MECOM: variants seen among roughly 807,000 people sequenced by gnomAD.
MECOM encodes the protein histone-lysine N-methyltransferase MECOM.
In MECOM, 13 loss-of-function variants were observed where a neutral mutation model predicts 116.3. The observed-to-expected ratio is 0.11, with a 90% confidence interval of 0.07 to 0.18. The LOEUF (loss-of-function observed/expected upper bound fraction) is 0.18. MECOM is among the 10% of genes least tolerant of loss of function. MECOM has a pLI of 1.00. For synonymous variants in MECOM, 528 were observed against 535.2 expected, an observed-to-expected ratio of 0.99 and a Z score of 0.19; for missense variants, 1,299 against 1,509.0, an observed-to-expected ratio of 0.86 and a Z score of 2.31.
intron 2 of MECOM, among the ~76,000 whole-genome samples, chr3:169,243,761 C>T (rs1009678088): frequency 6.6e-6 from 1 of 152,168 alleles, no homozygotes; most frequent in African/African-American, 2.4e-5. Context: ...TCGAAACATA[C>T]TCTGAAACGT....
intron 2 of MECOM, among the ~76,000 whole-genome samples, chr3:169,220,187 A>T (rs1041267946): frequency 6.6e-6 from 1 of 151,958 alleles, no homozygotes; most frequent in Admixed American, 6.6e-5. Context: ...AAAATTATCC[A>T]GGCATGGTGG....
intron 1 of MECOM, among the ~76,000 whole-genome samples, chr3:169,557,859 A>G (rs919324805): frequency 6.6e-6 from 1 of 152,208 alleles, no homozygotes; most frequent in Admixed American, 6.5e-5. Context: ...CTAGGACAAT[A>G]ATACTATTTC....
intron 7 of MECOM, 163 bp downstream of exon 7, chr3:169,120,893 T>C (rs1730803720): frequency 1.6e-6 from 1 of 607,666 alleles, no homozygotes; most frequent in Non-Finnish European, 2.5e-6. Context: ...ATGGATCTGA[T>C]TATAAAAGAT....
rs533025312 is a variant in MECOM, at chr3:169,226,215, C to T, written c.376-82383G>A. Among the ~76,000 whole-genome samples the T allele has an allele frequency of 6.6e-5, 10 of 152,130 alleles. No homozygotes were observed. In the South Asian group the frequency reaches 2.1e-3, roughly 32 times the overall value. On this transcript the variant is annotated intron_variant, in intron 2 of 16. Coordinates refer to ENST00000651503, the MANE Select transcript of MECOM (RefSeq NM_004991.4). ...GAGGTAAAATAAATATTATGGGTAACCCTGGATGCATTAAAGGTAACCTTG... is the reference window on the plus strand; with the variant it reads ...GAGGTAAAATAAATATTATGGGTAATCCTGGATGCATTAAAGGTAACCTTG...
chr3:169,436,220 A>G (rs1227017076), intron 1 of MECOM, among the ~76,000 whole-genome samples: 1 of 151,812 alleles, frequency 6.6e-6, no homozygotes, highest in Non-Finnish European at 1.5e-5. Context: ...GACGCAAAAA[A>G]AAAAGGGAAA....
At chr3:169,128,937 C>T (rs993291902) in intron 4 of MECOM, among the ~76,000 whole-genome samples, 1 of 152,150 alleles carries the variant, frequency 6.6e-6, no homozygotes, top group Admixed American at 6.6e-5. Context: ...CAGATACAAT[C>T]ACAGAAGTCT....
chr3:169,648,480 A>G (rs1451167121), intron 1 of MECOM, among the ~76,000 whole-genome samples: 1 of 152,208 alleles, frequency 6.6e-6, no homozygotes, highest in Non-Finnish European at 1.5e-5. Context: ...CTGGTATTTT[A>G]ATACTGCATC....
chr3:169,143,158 T>A (rs1186562806), intron 3 of MECOM, among the ~76,000 whole-genome samples: 1 of 152,072 alleles, frequency 6.6e-6, no homozygotes, highest in Non-Finnish European at 1.5e-5. Flanking sequence ...GGGTTATTTT[T>A]AAACTTTTTA....
chr3:169,495,983 CTACCAG>C (rs1463548672), intron 1 of MECOM, among the ~76,000 whole-genome samples: 2 of 152,168 alleles, frequency 1.3e-5, no homozygotes, highest in African/African-American at 2.4e-5. Flanking sequence ...CATAACGACC[CTACCAG>C]TAAAAGGGTC....
At chr3:169,170,610 GTTT>G (rs948973120) in intron 2 of MECOM, among the ~76,000 whole-genome samples, 2 of 151,568 alleles carry the variant, frequency 1.3e-5, no homozygotes, top group African/African-American at 2.4e-5. Flanking sequence ...CTAGAACTAT[GTTT>G]TTTTTCTCTA....
chr3:169,584,730 T>C (rs1245199938), intron 1 of MECOM, among the ~76,000 whole-genome samples: 1 of 152,124 alleles, frequency 6.6e-6, no homozygotes, highest in Non-Finnish European at 1.5e-5. Context: ...ACTTAACAAG[T>C]GAGTATGACA....
chr3:169,543,780 G>A (rs937472363), intron 1 of MECOM, among the ~76,000 whole-genome samples: 1 of 152,070 alleles, frequency 6.6e-6, no homozygotes. Flanking sequence ...CCATTAATCA[G>A]TATCTGTACA....
intron 2 of MECOM, among the ~76,000 whole-genome samples, chr3:169,354,637 G>C (rs553120203): frequency 6.6e-6 from 1 of 151,994 alleles, no homozygotes; most frequent in Non-Finnish European, 1.5e-5. Flanking sequence ...AAGTTTAAAA[G>C]AATTCGTGTT....
At chr3:169,266,550 A>AT (rs1201310577) in intron 2 of MECOM, among the ~76,000 whole-genome samples, 6 of 152,336 alleles carry the variant, frequency 3.9e-5, no homozygotes, top group African/African-American at 1.4e-4. Flanking sequence ...TGGCAACAAT[A>AT]GAACCAGTGT....
At chr3:169,235,167 A>G (rs1418991447) in intron 2 of MECOM, among the ~76,000 whole-genome samples, 2 of 152,230 alleles carry the variant, frequency 1.3e-5, no homozygotes, top group Admixed American at 6.5e-5. Flanking sequence ...GACTTCTATT[A>G]TCATCAATGT....
intron 1 of MECOM, among the ~76,000 whole-genome samples, chr3:169,495,457 C>T (rs933602961): frequency 3.4e-4 from 52 of 152,312 alleles, no homozygotes; most frequent in African/African-American, 1.1e-3. Context: ...GTATTTTACA[C>T]ACCTGTCTTT....
intron 2 of MECOM, among the ~76,000 whole-genome samples, chr3:169,181,679 T>C (rs1380438987): frequency 6.6e-6 from 1 of 152,172 alleles, no homozygotes; most frequent in Non-Finnish European, 1.5e-5. Flanking sequence ...GTCATAGAAA[T>C]AGGGTTAGTG....
intron 1 of MECOM, among the ~76,000 whole-genome samples, chr3:169,622,580 AT>A (rs1231492904): frequency 6.6e-6 from 1 of 152,250 alleles, no homozygotes; most frequent in Non-Finnish European, 1.5e-5. Flanking sequence ...AATATATCTC[AT>A]AAAACATCAA....
chr3:169,428,568 T>C (rs1279326325), intron 1 of MECOM, among the ~76,000 whole-genome samples: 1 of 152,214 alleles, frequency 6.6e-6, no homozygotes, highest in East Asian at 1.9e-4. Flanking sequence ...ACCCCTGCTT[T>C]AAGCTACTCA....
Sources: gnomAD v4.1 joint callset for allele counts (sites outside exome capture counted in the v4.1 genomes callset) on GRCh38, gnomAD v4.1.1 for gene constraint, MANE v1.5 for transcripts, NCBI Gene and HGNC (gene_info 2026-07-23, HGNC 2026-07-21) for gene names.